RGS11: variants seen among roughly 807,000 people sequenced by gnomAD.
RGS11 encodes regulator of G protein signaling 11.
A neutral mutation model predicts 71.1 loss-of-function variants in RGS11; 86 were observed. The observed-to-expected ratio is 1.21, with a 90% CI of 1.02 to 1.45. RGS11 has a LOEUF of 1.45. Among genes scored for constraint, RGS11 ranks in the 40% most tolerant of loss-of-function variants. The pLI, the probability that RGS11 is intolerant of heterozygous loss-of-function variation, is 0.00. For synonymous variants in RGS11, 298 were observed against 254.2 expected, an observed-to-expected ratio of 1.17 and a Z score of -1.64; for missense variants, 734 against 635.1, an observed-to-expected ratio of 1.16 and a Z score of -1.67.
At chr16:273,371 T>G (rs879382339) in intron 8 of RGS11, 104 bp downstream of exon 8, 12 of 873,386 alleles carry the variant, frequency 1.4e-5, no homozygotes, top group Non-Finnish European at 1.9e-5. Flanking sequence ...CCAAGGCAGG[T>G]CCTTCCACAG....
At chr16:272,708 G>A in intron 9 of RGS11, 155 bp downstream of exon 9, 1 of 1,478,926 alleles carries the variant, frequency 6.8e-7, no homozygotes, top group Non-Finnish European at 9.0e-7. Flanking sequence ...GGGGAACAGG[G>A]AGTGACCGGG....
rs1179653854 is a variant in RGS11, at chr16:268,982, G to A, written c.*287C>T. The A allele has an allele frequency of 1.6e-5, 25 of 1,527,084 alleles. No individual in the cohort carries two copies. Among genetic ancestry groups the A allele is most frequent in the Non-Finnish European group, 2.0e-5 (23 of 1,125,878 alleles). The allele number at this position is 1,527,084 out of a possible 1,614,324, so 94.6% of individuals were successfully genotyped here. ...GACCAGAGAAGGTGGAGCTCCCTGTGGCCTTGGTCTCACCTCTCTTCAGGT... is the reference window on the plus strand; with the variant it reads ...GACCAGAGAAGGTGGAGCTCCCTGTAGCCTTGGTCTCACCTCTCTTCAGGT... On this transcript the variant is annotated 3_prime_UTR_variant, in exon 17 of 17. Coordinates refer to ENST00000397770, the MANE Select transcript of RGS11 (RefSeq NM_183337.3).
chr16:275,417 G>A lies in RGS11; in HGVS notation c.145C>T (p.Pro49Ser). Residue 49 changes from proline (P) to serine (S), a missense_variant, in exon 2 of 17, where the codon CCC (proline) becomes TCC (serine). By Grantham distance (74) the Pro-to-Ser change is moderately conservative. Coordinates refer to ENST00000397770, the MANE Select transcript of RGS11 (RefSeq NM_183337.3). Reference sequence around the variant, plus strand: ...CGCGCCTCACCTGTCACCGCGTGGGGAATGACGGTGACCAGCAGGCGCTGG... The same window carrying A: ...CGCGCCTCACCTGTCACCGCGTGGGAAATGACGGTGACCAGCAGGCGCTGG... The part of the protein sequence containing the change: ...RSQRLLVTVI[P>S]HAVTGSDVVQ... 6.2e-7 allele frequency: 1 copy of A among 1,604,666 alleles called. No homozygotes were observed. Among genetic ancestry groups the A allele is most frequent in the Non-Finnish European group, 8.5e-7 (1 of 1,179,160 alleles).
intron 15 of RGS11, 44 bp downstream of exon 15, chr16:270,479 C>T: frequency 1.9e-6 from 3 of 1,557,996 alleles, no homozygotes; most frequent in Non-Finnish European, 2.6e-6. Context: ...GGAGGCCCGT[C>T]TGGGATGACC....
chr16:274,030 T>TGG lies in RGS11; in HGVS notation c.429+11_429+12dup, dbSNP rs112344350. ...CTGTACCCAGCCGGGGCGGGAAGGG[T>TGG]GGGGGGTCCCACCTTCTCATAATCC... On this transcript the variant is annotated intron_variant, in intron 6 of 16. Transcript: ENST00000397770. The TGG allele has an allele frequency of 7.3e-5, 111 of 1,521,444 alleles. No individual in the cohort carries two copies. The highest frequency in any genetic ancestry group is 2.5e-4 in the East Asian group (10 of 39,696). The allele number at this position is 1,521,444 out of a possible 1,614,324, so 94.2% of individuals were successfully genotyped here.
chr16:273,152 C>T (rs537333568), intron 8 of RGS11, among the ~76,000 whole-genome samples: 19 of 152,228 alleles, frequency 1.2e-4, no homozygotes, highest in Non-Finnish European at 1.8e-4. Flanking sequence ...CCTGTGAACT[C>T]GGTCCCCCCA....
chr16:273,643 C>G (rs2052033914), intron 7 of RGS11, 87 bp from the exon 8 acceptor site: 1 of 1,488,918 alleles, frequency 6.7e-7, no homozygotes, highest in Non-Finnish European at 9.2e-7. Context: ...GGGCAGGCAG[C>G]CACACCCAGG....
At chr16:271,181 C>T (rs762090342) in intron 12 of RGS11, 21 bp downstream of exon 12, 25 of 1,608,922 alleles carry the variant, frequency 1.6e-5, no homozygotes, top group South Asian at 6.6e-5. Flanking sequence ...CCCGCAGTCC[C>T]GCTGCCCCGC....
chr16:268,902 G>C lies in RGS11; in HGVS notation c.*367C>G, dbSNP rs751213654. Reference sequence around the variant, plus strand: ...CTGTGCATCTTGCTTCCGGGTATTCGCTGGCTGATTTACTGGTTTTAGAGA... The same window carrying C: ...CTGTGCATCTTGCTTCCGGGTATTCCCTGGCTGATTTACTGGTTTTAGAGA... On this transcript the variant is annotated 3_prime_UTR_variant, in exon 17 of 17. Coordinates refer to ENST00000397770, the MANE Select transcript of RGS11 (RefSeq NM_183337.3). 6.4e-7 allele frequency: 1 copy of C among 1,550,524 alleles called. No homozygotes were observed. The highest frequency in any genetic ancestry group is 2.0e-5 in the Admixed American group (1 of 51,008).
At position 269,489 on chromosome 16, in the gene RGS11, C is replaced by T; in HGVS notation, c.1289+14G>A. 3.7e-6 allele frequency: 6 copies of T among 1,612,214 alleles called. No homozygotes were observed. Among genetic ancestry groups the T allele is most frequent in the Admixed American group, 1.7e-5 (1 of 59,952 alleles). On this transcript the variant is annotated intron_variant, in intron 16 of 16. Transcript: ENST00000397770. ...GGCCACAGCCGCCGGCCACAGGGCA[C>T]TGCCTGGGCTCACCGTCTCTTCATC...
rs1426898413 is a variant in RGS11, at chr16:275,114, C to G, written c.212-32G>C. On this transcript the variant is annotated intron_variant, in intron 3 of 16. Transcript: ENST00000397770. ...AGGGGTGGGACGGTGAGCGCGGGGC[C>G]GCGGAAGCGGGCGAGGGCGGGACGA... The G allele has an allele frequency of 9.4e-6, 14 of 1,481,960 alleles. No individual in the cohort carries two copies. The South Asian group carries it at 1.1e-4, about 12-fold the overall frequency. 91.8% of individuals were successfully genotyped at this position (1,481,960 alleles called of 1,614,324 possible).
At chr16:273,917 C>T (rs2052048865) in intron 6 of RGS11, 81 bp from the exon 7 acceptor site, 1 of 1,498,840 alleles carries the variant, frequency 6.7e-7, no homozygotes, top group Non-Finnish European at 9.3e-7. Flanking sequence ...GGGTTGGGGA[C>T]TGTCTTGGGT....
At position 270,543 on chromosome 16, in the gene RGS11, T is replaced by C; in HGVS notation, c.1186A>G (p.Ile396Val). Residue 396 changes from isoleucine (I) to valine (V), a missense_variant, in exon 15 of 17, where the codon ATA becomes GTA. Ile to Val is a conservative substitution (Grantham distance 29, BLOSUM62 3). Transcript: ENST00000397770. ...RYVLDDAQLH[I>V]YMLMKKDSYP... is the part of the protein sequence containing the mutation. ...CCCACCTTCTTCATGAGCATGTATA[T>C]GTGCAGCTGGGCGTCATCCAGGACA... The C allele has an allele frequency of 6.2e-7, 1 of 1,608,570 alleles. No homozygotes were observed. The highest frequency in any genetic ancestry group is 1.3e-5 in the African/African-American group (1 of 75,016).
chr16:275,883 C>CG lies in RGS11; in HGVS notation c.28_29insC (p.Gly10AlafsTer84). 1.0e-6 allele frequency: 1 copy of CG among 964,158 alleles called. No individual in the cohort carries two copies. Among genetic ancestry groups the CG allele is most frequent in the Non-Finnish European group, 1.3e-6 (1 of 790,632 alleles). 59.7% of individuals were successfully genotyped at this position (964,158 alleles called of 1,614,324 possible). ...ATGCGGCATCTGCGCCCGGGGGCGG[C>CG]CGGGGGGCGGCGCGGGGCCGGCGGC... On this transcript the variant is annotated frameshift_variant, in exon 1 of 17. Transcript: ENST00000397770. LOFTEE classifies it high-confidence loss of function.
chr16:271,176 A>G (rs572082745), intron 12 of RGS11, 26 bp downstream of exon 12: 1 of 1,608,528 alleles, frequency 6.2e-7, no homozygotes, highest in African/African-American at 1.3e-5. Context: ...GCACACCCGC[A>G]GTCCCGCTGC....
chr16:271,540 C>A lies in RGS11; in HGVS notation c.687G>T (p.Glu229Asp), dbSNP rs1301121112. The A allele has an allele frequency of 6.2e-7, 1 of 1,614,012 alleles. No individual in the cohort carries two copies. The highest frequency in any genetic ancestry group is 1.1e-5 in the South Asian group (1 of 91,084). ...CTCCACTCCCAGCTCCAGAACTTAC[C>A]TCCCGCTTATGGAAATCTGCACTCT... The part of the protein sequence containing the change: ...MTKSADFHKR[E>D]IEYFRKALGR... The change falls in exon 10 of 17, where the codon GAG (glutamate) becomes GAT (aspartate). Residue 229 changes from glutamate to aspartate, a missense_variant and splice_region_variant. Coordinates refer to ENST00000397770, the MANE Select transcript of RGS11 (RefSeq NM_183337.3).
intron 9 of RGS11, 181 bp from the exon 10 acceptor site, chr16:271,750 A>C: frequency 1.6e-6 from 1 of 625,002 alleles, no homozygotes; most frequent in Non-Finnish European, 2.8e-6. Context: ...TTTCGAGGAG[A>C]CCTCTGGGGG....
rs755988677 is a variant in RGS11 at position 275,456 on chromosome 16, C to T, written c.106G>A (p.Val36Met). The T allele has an allele frequency of 3.1e-6, 5 of 1,594,954 alleles. No homozygotes were observed. The highest frequency in any genetic ancestry group is 4.2e-6 in the Non-Finnish European group (5 of 1,177,486). The stretch of plus-strand genomic sequence containing the variant: ...AGCAGGCGCTGGCTCCGCATCTTCA[C>T]GCCCTGGTCGGGGTCCTGCATGCTC... ...VVSMQDPDQG[V>M]KMRSQRLLVT... is the part of the protein sequence containing the mutation. Residue 36 changes from valine to methionine, a missense_variant, in exon 2 of 17, where the codon GTG becomes ATG. Physicochemically the swap from Val to Met is conservative, Grantham distance 21. Transcript: ENST00000397770.
rs2051811698 is a variant in RGS11, at chr16:269,394, G to C, written c.1290-11C>G. 2 of 1,596,442 alleles carry C rather than the reference G, an allele frequency of 1.3e-6. No individual in the cohort carries two copies. Among genetic ancestry groups the C allele is most frequent in the Middle Eastern group, 1.7e-4 (1 of 6,028 alleles). Reference sequence around the variant, plus strand: ...GTAAACGGGAACACGCTGTGGGCGAGAAGGCGGCTGAGAACAGGCTGGCCA... The same window carrying C: ...GTAAACGGGAACACGCTGTGGGCGACAAGGCGGCTGAGAACAGGCTGGCCA... On this transcript the variant is annotated splice_polypyrimidine_tract_variant and intron_variant, in intron 16 of 16. Transcript: ENST00000397770.
Sources: allele counts gnomAD v4.1 joint callset (sites outside exome capture counted in the v4.1 genomes callset), GRCh38; gene constraint gnomAD v4.1.1; transcripts MANE v1.5; gene names NCBI Gene and HGNC (gene_info 2026-07-23, HGNC 2026-07-21).